Variants in LARS1 observed in about 807,000 individuals in gnomAD.
The protein encoded by LARS1 is leucine--tRNA ligase, cytoplasmic.
In LARS1, 100 loss-of-function variants were observed where a neutral mutation model predicts 162.8. The observed-to-expected ratio is 0.61, with a 90% CI of 0.52 to 0.73. The LOEUF (loss-of-function observed/expected upper bound fraction) is 0.73, where lower values mean the gene tolerates loss of function less well. Among genes scored for constraint, LARS1 ranks in the 30% least tolerant of loss-of-function variants. The pLI is 0.00. For missense variants in LARS1, 1,258 were observed against 1,408.9 expected (o/e 0.89, Z 1.71); for synonymous variants, 457 against 462.8 (o/e 0.99, Z 0.16).
chr5:146,181,384 A>C (rs921021277), intron 1 of LARS1, among the ~76,000 whole-genome samples: 1 of 151,846 alleles, frequency 6.6e-6, no homozygotes, highest in African/African-American at 2.4e-5. Context: ...CAAAAAACAA[A>C]AAAAAATAAA....
rs887601988 is a variant in LARS1, at chr5:146,140,783, C to T, written c.2091-522G>A. On this transcript the variant is annotated intron_variant, in intron 20 of 31. Coordinates refer to ENST00000394434, the MANE Select transcript of LARS1 (RefSeq NM_020117.11). ...TCGCGCCACTGCACTCCAGCCTAGG[C>T]GACAAAGCAAGACTCCCTCTCAAAA... is the stretch of plus-strand genomic sequence containing the variant. Among the ~76,000 whole-genome samples, 17 of 151,892 alleles carry T rather than the reference C, an allele frequency of 1.1e-4. 1 individual carries two copies. The highest frequency in any genetic ancestry group is 7.9e-4 in the Admixed American group (12 of 15,220).
rs139726804 is a variant in LARS1 at position 146,170,615 on chromosome 5, C to T, written c.294+1295G>A. ...AGGACTCTGATAATGTAGAAGAATG[C>T]CCTTGTTCTTAGAATACATGCTGAA... is the stretch of plus-strand genomic sequence containing the variant. On this transcript the variant is annotated intron_variant, in intron 4 of 31. Coordinates refer to ENST00000394434, the MANE Select transcript of LARS1 (RefSeq NM_020117.11). Among the ~76,000 whole-genome samples the T allele has an allele frequency of 1.1e-4, 17 of 152,208 alleles. 1 individual carries two copies. In the East Asian group the frequency reaches 3.1e-3, roughly 28 times the overall value.
At chr5:146,147,385 C>T (rs1353141106) in intron 15 of LARS1, among the ~76,000 whole-genome samples, 1 of 148,390 alleles carries the variant, frequency 6.7e-6, no homozygotes, top group Non-Finnish European at 1.5e-5. Flanking sequence ...GGCAATATGG[C>T]AAGACCCCTG....
intron 31 of LARS1, among the ~76,000 whole-genome samples, chr5:146,117,246 G>A (rs895293122): frequency 1.3e-5 from 2 of 151,964 alleles, no homozygotes; most frequent in African/African-American, 2.4e-5. Context: ...TTAAAACAGA[G>A]GTAGATTTAA....
chr5:146,145,202 G>T (rs1410953868), intron 15 of LARS1, among the ~76,000 whole-genome samples: 1 of 152,012 alleles, frequency 6.6e-6, no homozygotes, highest in African/African-American at 2.4e-5. Flanking sequence ...TCACACTGCA[G>T]CCTCCTGAGT....
At position 146,171,974 on chromosome 5, in the gene LARS1, T is replaced by C; in HGVS notation, c.230A>G (p.Gln77Arg). 6.2e-7 allele frequency: 1 copy of C among 1,613,692 alleles called. No individual in the cohort carries two copies. Among genetic ancestry groups the C allele is most frequent in the Non-Finnish European group, 8.5e-7 (1 of 1,179,640 alleles). Residue 77 changes from glutamine to arginine, a missense_variant, in exon 4 of 32, where the codon CAG becomes CGG. By Grantham distance (43) the Gln-to-Arg change is conservative. Transcript: ENST00000394434. ...LSKCEFAVGY[Q>R]RLKGKCCLFP... ...CAGACAACATTTTCCTTTCAATCGC[T>C]GGTACCCTACAGCAAACTACAGAAA...
At chr5:146,143,159 G>A (rs1490338124) in intron 19 of LARS1, 75 bp from the exon 20 acceptor site, 4 of 873,252 alleles carry the variant, frequency 4.6e-6, no homozygotes, top group African/African-American at 3.4e-5. Flanking sequence ...TACCTGAATC[G>A]AAACATGGAT....
intron 5 of LARS1, 90 bp downstream of exon 5, chr5:146,168,036 ATG>A (rs1754096123): frequency 9.5e-7 from 1 of 1,053,638 alleles, no homozygotes; most frequent in Non-Finnish European, 1.4e-6. Context: ...AGTACATTTT[ATG>A]TGTTGGGCAC....
Position 146,150,690 on chromosome 5 carries a change from C to T in LARS1, c.1426-991G>A, listed in dbSNP as rs186139144. 7.9e-5 allele frequency among the ~76,000 whole-genome samples: 12 copies of T among 151,256 alleles called. No individual in the cohort carries two copies. The East Asian group carries it at 2.1e-3, about 27-fold the overall frequency. Reference sequence around the variant, plus strand: ...CAGTGGTTCAAGCCTATACTCCCAGCACTTTGGGAGGCCAAGGTGGGCAGA... The same window carrying T: ...CAGTGGTTCAAGCCTATACTCCCAGTACTTTGGGAGGCCAAGGTGGGCAGA... On this transcript the variant is annotated intron_variant, in intron 14 of 31. Coordinates refer to ENST00000394434, the MANE Select transcript of LARS1 (RefSeq NM_020117.11).
intron 6 of LARS1, 135 bp downstream of exon 6, chr5:146,164,175 G>A: frequency 1.3e-6 from 1 of 795,462 alleles, no homozygotes; most frequent in Non-Finnish European, 2.1e-6. Context: ...GGTGCCACTA[G>A]ACTTGCTCAA....
intron 15 of LARS1, 134 bp downstream of exon 15, chr5:146,149,488 T>C: frequency 1.4e-6 from 1 of 697,216 alleles, no homozygotes; most frequent in Non-Finnish European, 2.5e-6. Context: ...TAAATAGGTC[T>C]ATTTTCTGCC....
intron 15 of LARS1, among the ~76,000 whole-genome samples, chr5:146,146,582 A>G (rs1255059303): frequency 6.8e-6 from 1 of 147,618 alleles, no homozygotes; most frequent in African/African-American, 2.5e-5. Flanking sequence ...AAGGTAAAAG[A>G]AAGTCTCTGA....
chr5:146,131,296 T>G (rs1288287819), intron 23 of LARS1, 187 bp from the exon 24 acceptor site: 1 of 419,394 alleles, frequency 2.4e-6, no homozygotes, highest in Non-Finnish European at 4.2e-6. Context: ...ACACCATCTT[T>G]GCGTTCCTTA....
chr5:146,163,271 A>C (rs1040081770), intron 6 of LARS1, among the ~76,000 whole-genome samples: 2 of 152,240 alleles, frequency 1.3e-5, no homozygotes, highest in Non-Finnish European at 2.9e-5. Context: ...TGGCTGAAGG[A>C]AATGTTGTGG....
chr5:146,171,893 C>A lies in LARS1; in HGVS notation c.294+17G>T, dbSNP rs547167364. 5.2e-5 allele frequency: 82 copies of A among 1,590,762 alleles called. No individual in the cohort carries two copies. Among genetic ancestry groups the A allele is most frequent in the Non-Finnish European group, 6.9e-5 (80 of 1,164,254 alleles). ...CCAACTAAAAAGAGTAGAAACCAAT[C>A]CTATTAGCGATCTTACCTTAATAGG... On this transcript the variant is annotated intron_variant, in intron 4 of 31. Coordinates refer to ENST00000394434, the MANE Select transcript of LARS1 (RefSeq NM_020117.11).
At chr5:146,117,293 C>T (rs531683784) in intron 31 of LARS1, among the ~76,000 whole-genome samples, 92 of 152,074 alleles carry the variant, frequency 6.0e-4, no homozygotes, top group Non-Finnish European at 1.0e-3. Flanking sequence ...GAAATACATC[C>T]TTTTATGTGC....
intron 15 of LARS1, among the ~76,000 whole-genome samples, chr5:146,146,532 C>CAA (rs573828595): frequency 5.7e-4 from 15 of 26,498 alleles, no homozygotes; most frequent in Admixed American, 1.3e-3. Context: ...ATGCCAGAAC[C>CAA]AAAAAAAAAA....
At chr5:146,180,143 A>T (rs1385532678) in intron 1 of LARS1, among the ~76,000 whole-genome samples, 1 of 152,240 alleles carries the variant, frequency 6.6e-6, no homozygotes, top group African/African-American at 2.4e-5. Context: ...AGGCCAGAGG[A>T]TCACTTGAAC....
At chr5:146,118,706 G>C (rs963091155) in intron 31 of LARS1, among the ~76,000 whole-genome samples, 1 of 152,176 alleles carries the variant, frequency 6.6e-6, no homozygotes. Flanking sequence ...AGGGACTGGA[G>C]GGAAGGAGAA....
Sources: allele counts gnomAD v4.1 joint callset (sites outside exome capture counted in the v4.1 genomes callset), GRCh38; gene constraint gnomAD v4.1.1; transcripts MANE v1.5; gene names NCBI Gene and HGNC (gene_info 2026-07-23, HGNC 2026-07-21).